JAK1: variants seen among roughly 807,000 people sequenced by gnomAD.
The protein encoded by JAK1 is Janus kinase 1, also known as tyrosine-protein kinase JAK1.
Under a neutral mutation model 136.6 loss-of-function variants are expected in JAK1, and 16 were observed. The observed-to-expected ratio is 0.12, with a 90% CI of 0.08 to 0.18. JAK1 has a LOEUF of 0.18. Ranked by LOEUF, JAK1 falls within the 10% of genes least tolerant of loss-of-function variation. The pLI is 1.00. For missense variants in JAK1, 859 were observed against 1,450.1 expected (o/e 0.59, Z 6.62); for synonymous variants, 492 against 519.5 (o/e 0.95, Z 0.72).
At chr1:64,976,985 A>G (rs1471444799) in intron 2 of JAK1, among the ~76,000 whole-genome samples, 2 of 152,176 alleles carry the variant, frequency 1.3e-5, no homozygotes, top group African/African-American at 4.8e-5. Context: ...AATGTTCCTT[A>G]TCACTTACAT....
rs553874298 is a variant in JAK1 at position 64,891,962 on chromosome 1, A to C, written c.-77-5621T>G. ...CCAGCTCAATGGTTCGGTGCTTCGC[A>C]CTGCTCCCAAGGAGCCTGCATTCAG... On this transcript the variant is annotated intron_variant, in intron 1 of 24. Coordinates refer to ENST00000342505, the MANE Select transcript of JAK1 (RefSeq NM_002227.4). Among the ~76,000 whole-genome samples, 13 of 152,388 alleles carry C rather than the reference A, an allele frequency of 8.5e-5. No individual in the cohort carries two copies. In the South Asian group the frequency reaches 2.5e-3, roughly 29 times the overall value.
chr1:64,960,910 A>G (rs1331807189), intron 1 of JAK1, among the ~76,000 whole-genome samples: 1 of 152,242 alleles, frequency 6.6e-6, no homozygotes, highest in Non-Finnish European at 1.5e-5. Flanking sequence ...GCTGTGATTA[A>G]CAATGCAACC....
chr1:64,892,039 A>G (rs959398694), intron 1 of JAK1, among the ~76,000 whole-genome samples: 3 of 152,256 alleles, frequency 2.0e-5, no homozygotes, highest in African/African-American at 7.2e-5. Context: ...TAAAGTCAGT[A>G]AGTGTCTTTC....
chr1:65,054,095 T>TA (rs1418096826), intron 1 of JAK1, among the ~76,000 whole-genome samples: 1 of 152,142 alleles, frequency 6.6e-6, no homozygotes, highest in African/African-American at 2.4e-5. Context: ...ATGAAACAGA[T>TA]ACGGTCCACA....
intron 1 of JAK1, chr1:64,918,707 C>T (rs1015887791): frequency 2.3e-5 from 4 of 176,664 alleles, no homozygotes; most frequent in Admixed American, 1.8e-4. Context: ...CACTATAAAG[C>T]TGCTTAGAAT....
At chr1:64,863,097 C>T (rs980447266) in intron 8 of JAK1, among the ~76,000 whole-genome samples, 1 of 146,632 alleles carries the variant, frequency 6.8e-6, no homozygotes, top group African/African-American at 2.6e-5. Flanking sequence ...GCCTAATACC[C>T]ACGATGCAGC....
intron 2 of JAK1, among the ~76,000 whole-genome samples, chr1:65,030,553 G>A (rs1222059823): frequency 6.8e-6 from 1 of 147,904 alleles, no homozygotes; most frequent in African/African-American, 2.5e-5. Context: ...TTTTTTTTGA[G>A]ACAGAGTCTC....
chr1:64,899,673 G>C (rs753402616), intron 1 of JAK1, among the ~76,000 whole-genome samples: 19 of 152,146 alleles, frequency 1.2e-4, no homozygotes, highest in Admixed American at 2.6e-4. Context: ...GGTAAGCATA[G>C]TGCTAATATT....
At chr1:64,884,190 T>G (rs1644819798) in intron 2 of JAK1, among the ~76,000 whole-genome samples, 1 of 152,028 alleles carries the variant, frequency 6.6e-6, no homozygotes, top group East Asian at 1.9e-4. Flanking sequence ...TGGTGAAAAG[T>G]GCGTAAGTAA....
At chr1:64,867,745 C>G (rs975684934) in intron 6 of JAK1, among the ~76,000 whole-genome samples, 2 of 152,222 alleles carry the variant, frequency 1.3e-5, no homozygotes, top group African/African-American at 2.4e-5. Flanking sequence ...AATCCCAGCA[C>G]TTTGGGAGGC....
At chr1:64,997,909 C>T (rs1557750470) in intron 2 of JAK1, among the ~76,000 whole-genome samples, 1 of 152,182 alleles carries the variant, frequency 6.6e-6, no homozygotes, top group Non-Finnish European at 1.5e-5. Context: ...GACAGCCTCT[C>T]ATCTTATCTT....
At chr1:64,906,467 C>G (rs1436425690) in intron 1 of JAK1, among the ~76,000 whole-genome samples, 2 of 152,112 alleles carry the variant, frequency 1.3e-5, no homozygotes, top group African/African-American at 4.8e-5. Flanking sequence ...CCAGTATTCA[C>G]CATGTTGTAG....
At chr1:64,845,492 T>C (rs1192774997) in intron 15 of JAK1, 21 bp downstream of exon 15, 2 of 1,613,994 alleles carry the variant, frequency 1.2e-6, no homozygotes, top group Non-Finnish European at 1.7e-6. Flanking sequence ...GGGACCATTA[T>C]GGACATCAGG....
intron 2 of JAK1, among the ~76,000 whole-genome samples, chr1:64,977,900 C>A (rs184095806): frequency 0.026 from 4,010 of 152,186 alleles, 178 homozygotes; most frequent in African/African-American, 0.091. Flanking sequence ...TTAATTTCAT[C>A]GTCATCGGTA....
Position 64,879,010 on chromosome 1 carries a change from C to T in JAK1, c.329+15G>A, listed in dbSNP as rs1023897653. The T allele has an allele frequency of 5.6e-6, 9 of 1,613,626 alleles. No homozygotes were observed. The highest frequency in any genetic ancestry group is 7.6e-6 in the Non-Finnish European group (9 of 1,179,768). ...AGAGGGAGCCAGGCAGGTACCAGGT[C>T]AGTACTTCCCATACCTCATCCGGTA... On this transcript the variant is annotated intron_variant, in intron 4 of 24. Transcript: ENST00000342505.
In JAK1 at chr1:64,984,123, A is replaced by T. The variant is rs1646576052; in HGVS notation, c.-78+60357T>A. Among the ~76,000 whole-genome samples, 1 of 152,180 alleles carries T rather than the reference A, an allele frequency of 6.6e-6. No individual in the cohort carries two copies. The highest frequency in any genetic ancestry group is 1.5e-5 in the Non-Finnish European group (1 of 68,014). On this transcript the variant is annotated intron_variant, in intron 2 of 25. Coordinates refer to the JAK1 transcript ENST00000671954. The surrounding 1 kb of genome is among the most constrained non-coding windows in gnomAD (Gnocchi z 4.1). ...AAATTACACTTAAAACATAATATTT[A>T]TGTAATTAAACCAGGAGGTAAAAAT... is the stretch of plus-strand genomic sequence containing the variant.
intron 1 of JAK1, among the ~76,000 whole-genome samples, chr1:64,947,943 T>C (rs185075623): frequency 2.6e-5 from 4 of 152,208 alleles, no homozygotes; most frequent in East Asian, 1.9e-4. Flanking sequence ...TATACAGAAA[T>C]AGATTTAGAA....
rs1654329498 is a variant in JAK1 at position 64,834,298 on chromosome 1, A to G, written c.*264T>C. 3.3e-6 allele frequency: 1 copy of G among 298,632 alleles called. No homozygotes were observed. Among genetic ancestry groups the G allele is most frequent in the South Asian group, 9.8e-5 (1 of 10,224 alleles). The allele number at this position is 298,632 out of a possible 1,614,324, so 18.5% of individuals were successfully genotyped here. Reference sequence around the variant, plus strand: ...GAAATGGTGGTATATTCTTTCCACAAGGAGGAGTGCTTAAGTGCTTTCAAA... The same window carrying G: ...GAAATGGTGGTATATTCTTTCCACAGGGAGGAGTGCTTAAGTGCTTTCAAA... On this transcript the variant is annotated 3_prime_UTR_variant, in exon 25 of 25. Coordinates refer to ENST00000342505, the MANE Select transcript of JAK1 (RefSeq NM_002227.4).
At chr1:64,856,785 G>A (rs1198125511) in intron 10 of JAK1, among the ~76,000 whole-genome samples, 1 of 152,186 alleles carries the variant, frequency 6.6e-6, no homozygotes, top group African/African-American at 2.4e-5. Flanking sequence ...ACACTTGGCA[G>A]CGCTGGTTCC....
Sources: allele counts gnomAD v4.1 joint callset (sites outside exome capture counted in the v4.1 genomes callset), GRCh38; gene constraint gnomAD v4.1.1; non-coding constraint Gnocchi (gnomAD v3.1); transcripts MANE v1.5; gene names NCBI Gene and HGNC (gene_info 2026-07-23, HGNC 2026-07-21).